ROBO2: variants seen among roughly 807,000 people sequenced by gnomAD.
ROBO2 encodes roundabout homolog 2.
A neutral mutation model predicts 160.8 loss-of-function variants in ROBO2; 53 were observed. The ratio of observed to expected loss-of-function variants is 0.33; its 90% CI spans 0.26 to 0.41. ROBO2 has a LOEUF of 0.41. Among genes scored for constraint, ROBO2 ranks in the 10% least tolerant of loss-of-function variants. The pLI, the probability that ROBO2 is intolerant of heterozygous loss-of-function variation, is 1.00. For synonymous variants in ROBO2, 664 were observed against 611.7 expected (o/e 1.09, Z -1.26); for missense variants, 1,577 against 1,722.4 (o/e 0.92, Z 1.49).
intron 2 of ROBO2, among the ~76,000 whole-genome samples, chr3:76,617,846 G>A (rs2088718887): frequency 6.6e-6 from 1 of 151,792 alleles, no homozygotes; most frequent in Admixed American, 6.5e-5. Context: ...ACTTCACAGT[G>A]AGGCAGGAGA....
intron 2 of ROBO2, among the ~76,000 whole-genome samples, chr3:77,256,152 C>T (rs1003309084): frequency 6.6e-6 from 1 of 152,072 alleles, no homozygotes; most frequent in Non-Finnish European, 1.5e-5. Flanking sequence ...CAGTGGTATT[C>T]CTGTTTTAAT....
intron 2 of ROBO2, among the ~76,000 whole-genome samples, chr3:76,398,572 C>T (rs1284210081): frequency 1.3e-5 from 2 of 151,410 alleles, no homozygotes; most frequent in Non-Finnish European, 1.5e-5. Flanking sequence ...CAATTCAATA[C>T]GTACCCTCTT....
intron 2 of ROBO2, among the ~76,000 whole-genome samples, chr3:76,715,271 T>C (rs1467312451): frequency 1.3e-5 from 2 of 152,176 alleles, no homozygotes. Flanking sequence ...CAGGTATTAA[T>C]ACTTCATGAT....
intron 2 of ROBO2, among the ~76,000 whole-genome samples, chr3:76,466,463 A>T (rs1227892978): frequency 2.0e-5 from 3 of 152,026 alleles, no homozygotes; most frequent in African/African-American, 7.2e-5. Context: ...TTTATTCAGT[A>T]GAAAATTGAT....
chr3:77,358,813 A>G (rs1387064496), intron 2 of ROBO2, among the ~76,000 whole-genome samples: 1 of 152,220 alleles, frequency 6.6e-6, no homozygotes, highest in African/African-American at 2.4e-5. Flanking sequence ...GTTTCCTCCA[A>G]TTCCTTATTT....
At chr3:76,882,353 T>C (rs550851681) in intron 2 of ROBO2, among the ~76,000 whole-genome samples, 2 of 152,290 alleles carry the variant, frequency 1.3e-5, no homozygotes, top group African/African-American at 4.8e-5. Context: ...AATTATTTCA[T>C]GTGTTCCACA....
At chr3:77,132,951 A>G (rs2075982743) in intron 2 of ROBO2, among the ~76,000 whole-genome samples, 1 of 152,096 alleles carries the variant, frequency 6.6e-6, no homozygotes, top group African/African-American at 2.4e-5. Flanking sequence ...TGGAGAGGAG[A>G]TGTTTATGGT....
chr3:77,063,703 G>T (rs2066549409), intron 1 of ROBO2, among the ~76,000 whole-genome samples: 1 of 152,182 alleles, frequency 6.6e-6, no homozygotes. Flanking sequence ...TATACATAAG[G>T]AAGTGTTTAA....
chr3:76,978,187 A>G (rs985228257), intron 2 of ROBO2, among the ~76,000 whole-genome samples: 1 of 152,208 alleles, frequency 6.6e-6, no homozygotes, highest in Non-Finnish European at 1.5e-5. Context: ...CAGAGAACCT[A>G]CTTCAAGGTG....
chr3:76,220,535 A>G (rs1703896564), intron 2 of ROBO2, among the ~76,000 whole-genome samples: 1 of 152,050 alleles, frequency 6.6e-6, no homozygotes, highest in Non-Finnish European at 1.5e-5. Context: ...AAGGCTTGCA[A>G]ATGCCTTGGG....
chr3:77,562,173 C>T (rs546416363), intron 9 of ROBO2, among the ~76,000 whole-genome samples: 1 of 152,106 alleles, frequency 6.6e-6, no homozygotes, highest in South Asian at 2.1e-4. Flanking sequence ...AAGTGTGATC[C>T]CTTATTGTCT....
intron 2 of ROBO2, among the ~76,000 whole-genome samples, chr3:77,453,654 A>C (rs1302310122): frequency 6.6e-6 from 1 of 152,128 alleles, no homozygotes; most frequent in Non-Finnish European, 1.5e-5. Flanking sequence ...AATTTAGTTA[A>C]TATTCCTGAT....
chr3:77,473,710 C>G (rs2083642896), intron 2 of ROBO2, among the ~76,000 whole-genome samples: 1 of 152,030 alleles, frequency 6.6e-6, no homozygotes, highest in African/African-American at 2.4e-5. Flanking sequence ...CCCACCTCGG[C>G]CTCCCAAAGT....
chr3:77,364,248 T>C (rs537643157), intron 2 of ROBO2, among the ~76,000 whole-genome samples: 62 of 152,252 alleles, frequency 4.1e-4, no homozygotes, highest in Non-Finnish European at 6.5e-4. Flanking sequence ...TATCACCACT[T>C]GTTGAACTAT....
chr3:77,568,504 A>T (rs2093553247), intron 13 of ROBO2, 70 bp downstream of exon 14: 1 of 1,562,046 alleles, frequency 6.4e-7, no homozygotes, highest in Admixed American at 1.7e-5. Flanking sequence ...GAAAATGCAA[A>T]TGAACAAAGA....
intron 24 of ROBO2, among the ~76,000 whole-genome samples, chr3:77,636,077 A>G (rs531589951): frequency 5.3e-5 from 8 of 152,116 alleles, no homozygotes; most frequent in Non-Finnish European, 8.8e-5. Flanking sequence ...CTCCACCCTC[A>G]TCATCGAATC....
At chr3:77,266,550 C>T (rs1368376143) in intron 2 of ROBO2, among the ~76,000 whole-genome samples, 1 of 152,098 alleles carries the variant, frequency 6.6e-6, no homozygotes, top group Non-Finnish European at 1.5e-5. Context: ...GGTTCCATGA[C>T]ATTGCATCCA....
chr3:76,304,947 G>A (rs2107755290), intron 2 of ROBO2, among the ~76,000 whole-genome samples: 1 of 151,810 alleles, frequency 6.6e-6, no homozygotes, highest in African/African-American at 2.4e-5. Flanking sequence ...CTGATGTAAG[G>A]TGTTCAGGGA....
At chr3:77,561,599 T>C (rs558843845) in intron 9 of ROBO2, among the ~76,000 whole-genome samples, 15 of 152,254 alleles carry the variant, frequency 9.9e-5, no homozygotes, top group South Asian at 4.1e-4. Context: ...AATAAAACCA[T>C]TTTAAGTGAT....
Sources: allele counts gnomAD v4.1 joint callset (sites outside exome capture counted in the v4.1 genomes callset), GRCh38; gene constraint gnomAD v4.1.1; transcripts MANE v1.5; gene names NCBI Gene and HGNC (gene_info 2026-07-23, HGNC 2026-07-21).